The following SLC43A2 variants were observed in gnomAD, a reference collection of about 807,000 sequenced individuals.
SLC43A2 encodes the protein large neutral amino acids transporter small subunit 4.
A neutral mutation model predicts 63.2 loss-of-function variants in SLC43A2; 38 were observed. The observed-to-expected ratio is 0.60, with a 90% confidence interval of 0.46 to 0.79. The LOEUF (loss-of-function observed/expected upper bound fraction) is 0.79, where lower values mean the gene tolerates loss of function less well. Among genes scored for constraint, SLC43A2 ranks in the 30% least tolerant of loss-of-function variants. The probability of loss-of-function intolerance (pLI) is 0.00; values close to 1 mark genes in which losing one functional copy is unlikely to be tolerated. For missense variants in SLC43A2, 644 were observed against 756.2 expected (o/e 0.85, Z 1.74); for synonymous variants, 322 against 331.0 (o/e 0.97, Z 0.30).
At chr17:1,597,366 A>G (rs971892837) in intron 5 of SLC43A2, among the ~76,000 whole-genome samples, 1 of 151,624 alleles carries the variant, frequency 6.6e-6, no homozygotes, top group Non-Finnish European at 1.5e-5. Flanking sequence ...TTAGCCAGGC[A>G]TGGTGACGTG....
At chr17:1,611,679 G>A (rs1433246106) in intron 5 of SLC43A2, among the ~76,000 whole-genome samples, 1 of 151,122 alleles carries the variant, frequency 6.6e-6, no homozygotes, top group East Asian at 1.9e-4. Flanking sequence ...AGCCCCCAGA[G>A]CTCCCTCAAA....
At position 1,574,841 on chromosome 17, in the gene SLC43A2, A is replaced by G. The variant is rs1387236715; in HGVS notation, c.*763T>C. On this transcript the variant is annotated 3_prime_UTR_variant, in exon 14 of 14. Transcript: ENST00000301335. ...CGGCCACAGCCTTTCGTCCACCTCC[A>G]CAAAAGCAGCTGTGTGTATGTACGG... The G allele has an allele frequency of 6.7e-6, 1 of 149,396 alleles. No individual in the cohort carries two copies. The highest frequency in any genetic ancestry group is 2.0e-4 in the East Asian group (1 of 5,048). The allele number at this position is 149,396 out of a possible 1,614,324, so 9.3% of individuals were successfully genotyped here. A position where few individuals can be genotyped will look rare whatever the true frequency, so the allele number is the denominator to read the frequency against.
In SLC43A2 at chr17:1,577,944, G is replaced by T. The variant is rs1056177404; in HGVS notation, c.1424+306C>A. On this transcript the variant is annotated intron_variant, in intron 12 of 13. Coordinates refer to ENST00000301335, the MANE Select transcript of SLC43A2 (RefSeq NM_152346.3). This position sits in a 1 kb window ranked among gnomAD's most constrained non-coding sequence, Gnocchi z 4.9. ...CAGCCAGGGCCAGCCCCAGGACTCG[G>T]CTGTAGTGGCCCCTGAGGCCATAAT... Among the ~76,000 whole-genome samples the T allele has an allele frequency of 1.3e-5, 2 of 152,200 alleles. No homozygotes were observed.
chr17:1,600,152 A>ATATATATATATATATATTTTT (rs1216616243), intron 5 of SLC43A2, among the ~76,000 whole-genome samples: 7 of 60,278 alleles, frequency 1.2e-4, no homozygotes, highest in Admixed American at 3.3e-4. Context: ...ATATATATAT[A>ATATATATATATATATATTTTT]TTTTTTTTTT....
At chr17:1,607,850 G>A (rs886393565) in intron 5 of SLC43A2, among the ~76,000 whole-genome samples, 2 of 151,958 alleles carry the variant, frequency 1.3e-5, no homozygotes, top group Non-Finnish European at 2.9e-5. Flanking sequence ...TGAGTCGTGG[G>A]GACTACAGGC....
chr17:1,584,416 G>A (rs576416954), intron 10 of SLC43A2, among the ~76,000 whole-genome samples: 118 of 152,208 alleles, frequency 7.8e-4, no homozygotes, highest in African/African-American at 2.7e-3. Flanking sequence ...TCCCCACTTC[G>A]CCAGGGTGCT....
intron 2 of SLC43A2, among the ~76,000 whole-genome samples, chr17:1,622,992 G>A (rs2151082220): frequency 6.6e-6 from 1 of 152,328 alleles, no homozygotes; most frequent in East Asian, 1.9e-4. Flanking sequence ...TGTAATCCCA[G>A]CTACTTGGGA....
intron 11 of SLC43A2, among the ~76,000 whole-genome samples, chr17:1,580,728 ATTTTTT>A (rs11321695): frequency 1.6e-5 from 2 of 126,426 alleles, no homozygotes; most frequent in African/African-American, 6.1e-5. Context: ...GGCCCGGCTA[ATTTTTT>A]TTTTTTTTTT....
At chr17:1,625,096 C>T (rs993088807) in intron 2 of SLC43A2, among the ~76,000 whole-genome samples, 1 of 152,192 alleles carries the variant, frequency 6.6e-6, no homozygotes, top group Admixed American at 6.5e-5. Context: ...GTCTCCTGCC[C>T]TCACCAGGGG....
chr17:1,584,101 G>A (rs1450291803), intron 10 of SLC43A2, among the ~76,000 whole-genome samples: 1 of 152,020 alleles, frequency 6.6e-6, no homozygotes, highest in East Asian at 1.9e-4. Context: ...CACCATGTTA[G>A]CCAGGATGGT....
At chr17:1,576,861 CTG>C in intron 12 of SLC43A2, 141 bp from the exon 13 acceptor site, 12 of 775,412 alleles carry the variant, frequency 1.5e-5, no homozygotes, top group East Asian at 3.3e-5. Flanking sequence ...CTGGGCAGTT[CTG>C]TTTTTTTTTT....
At chr17:1,616,805 T>C in intron 2 of SLC43A2, 36 bp from the exon 3 acceptor site, 1 of 1,606,308 alleles carries the variant, frequency 6.2e-7, no homozygotes, top group Non-Finnish European at 8.5e-7. Flanking sequence ...GACCTCAGGG[T>C]CATGACAGGG....
Position 1,617,642 on chromosome 17 carries a change from C to T in SLC43A2, c.161-873G>A, listed in dbSNP as rs922668262. On this transcript the variant is annotated intron_variant, in intron 2 of 13. Transcript: ENST00000301335. The stretch of plus-strand genomic sequence containing the variant: ...CTGACCTCAGGTGATCCTCTCACCT[C>T]TGCCTCCCAAAGTGCTGGGATCACA... Among the ~76,000 whole-genome samples, 5 of 152,354 alleles carry T rather than the reference C, an allele frequency of 3.3e-5. No individual in the cohort carries two copies. In the South Asian group the frequency reaches 6.2e-4, roughly 19 times the overall value.
At chr17:1,630,017 G>C (rs1909025487), upstream of SLC43A2, among the ~76,000 whole-genome samples, 1 of 152,180 alleles carries the variant, frequency 6.6e-6, no homozygotes, top group Admixed American at 6.5e-5. Context: ...AGGTCGGAGG[G>C]CCACTTGGGG....
intron 5 of SLC43A2, among the ~76,000 whole-genome samples, chr17:1,607,138 G>A (rs972633714): frequency 1.4e-4 from 21 of 152,274 alleles, no homozygotes; most frequent in Non-Finnish European, 2.4e-4. Flanking sequence ...CCACAGCGCC[G>A]TCCCCTAGAG....
intron 5 of SLC43A2, among the ~76,000 whole-genome samples, chr17:1,610,543 A>C (rs547784667): frequency 1.3e-4 from 19 of 150,598 alleles, no homozygotes; most frequent in African/African-American, 3.6e-4. Flanking sequence ...TGCTGGGATT[A>C]CAGGTGTGAG....
rs1906545434 is a variant in SLC43A2 at position 1,605,712 on chromosome 17, A to T, written c.501+7483T>A. Among the ~76,000 whole-genome samples, 1 of 152,044 alleles carries T rather than the reference A, an allele frequency of 6.6e-6. No individual in the cohort carries two copies. Among genetic ancestry groups the T allele is most frequent in the African/African-American group, 2.4e-5 (1 of 41,400 alleles). Reference sequence around the variant, plus strand: ...GAGTACACACCCAGAGTTCTGTACAACCTGCACAGGCCGGGATCCCGGAAC... The same window carrying T: ...GAGTACACACCCAGAGTTCTGTACATCCTGCACAGGCCGGGATCCCGGAAC... On this transcript the variant is annotated intron_variant, in intron 5 of 13. Coordinates refer to ENST00000301335, the MANE Select transcript of SLC43A2 (RefSeq NM_152346.3). The surrounding 1 kb of genome is among the most constrained non-coding windows in gnomAD (Gnocchi z 4.9).
At position 1,593,404 on chromosome 17, in the gene SLC43A2, C is replaced by T; in HGVS notation, c.502-125G>A. Reference sequence around the variant, plus strand: ...CCTGCGCCCCTTCCTGTGTGACTCACAGGGGCATTAGTTCAGGGGCAATGA... The same window carrying T: ...CCTGCGCCCCTTCCTGTGTGACTCATAGGGGCATTAGTTCAGGGGCAATGA... On this transcript the variant is annotated intron_variant, in intron 5 of 13. Transcript: ENST00000301335. This position sits in a 1 kb window ranked among gnomAD's most constrained non-coding sequence, Gnocchi z 5.3. The T allele has an allele frequency of 1.2e-6, 1 of 829,972 alleles. No homozygotes were observed. 51.4% of individuals were successfully genotyped at this position (829,972 alleles called of 1,614,324 possible). A position where few individuals can be genotyped will look rare whatever the true frequency, so the allele number is the denominator to read the frequency against.
Position 1,606,231 on chromosome 17 carries a change from G to A in SLC43A2, c.501+6964C>T, listed in dbSNP as rs1235760084. ...GACCCTCTCCTGGCTGCAGACGCGG[G>A]GTCTACTGAGCCACGGCACTAAACT... On this transcript the variant is annotated intron_variant, in intron 5 of 13. Transcript: ENST00000301335. This position sits in a 1 kb window ranked among gnomAD's most constrained non-coding sequence, Gnocchi z 4.7. 1.3e-5 allele frequency among the ~76,000 whole-genome samples: 2 copies of A among 152,104 alleles called. No homozygotes were observed. Among genetic ancestry groups the A allele is most frequent in the East Asian group, 1.9e-4 (1 of 5,176 alleles).
Sources: allele counts gnomAD v4.1 joint callset (sites outside exome capture counted in the v4.1 genomes callset), GRCh38; gene constraint gnomAD v4.1.1; non-coding constraint Gnocchi (gnomAD v3.1); transcripts MANE v1.5; gene names NCBI Gene and HGNC (gene_info 2026-07-23, HGNC 2026-07-21).